The following EFNA5 variants were observed in gnomAD, a reference collection of about 807,000 sequenced individuals.
EFNA5 encodes the protein ephrin A5.
Under a neutral mutation model 22.9 loss-of-function variants are expected in EFNA5, and 5 were observed. That is an observed-to-expected ratio of 0.22 (90% CI 0.11 to 0.46). The LOEUF is 0.46. Among genes scored for constraint, EFNA5 ranks in the 20% least tolerant of loss-of-function variants. The pLI is 0.99. For synonymous variants in EFNA5, 113 were observed against 112.2 expected (o/e 1.01, Z -0.04); for missense variants, 237 against 293.3 (o/e 0.81, Z 1.40).
At chr5:107,405,027 A>G (rs1467308201) in intron 2 of EFNA5, among the ~76,000 whole-genome samples, 1 of 152,214 alleles carries the variant, frequency 6.6e-6, no homozygotes, top group Non-Finnish European at 1.5e-5. Context: ...GTAGGACTTT[A>G]TGATGTGCTC....
At chr5:107,610,652 A>G (rs981796212) in intron 1 of EFNA5, among the ~76,000 whole-genome samples, 5 of 152,138 alleles carry the variant, frequency 3.3e-5, no homozygotes, top group Non-Finnish European at 7.4e-5. Context: ...AACTACAATT[A>G]CCTTTTGATT....
At chr5:107,569,470 TA>T (rs1748734011) in intron 1 of EFNA5, among the ~76,000 whole-genome samples, 1 of 139,940 alleles carries the variant, frequency 7.1e-6, no homozygotes, top group Non-Finnish European at 1.5e-5. Context: ...TATATTTATA[TA>T]TATGTGTATA....
chr5:107,461,204 A>G (rs1294556208), intron 1 of EFNA5, among the ~76,000 whole-genome samples: 1 of 152,144 alleles, frequency 6.6e-6, no homozygotes, highest in Non-Finnish European at 1.5e-5. Flanking sequence ...CAAAAGAACA[A>G]AGATTAAGAT....
intron 2 of EFNA5, among the ~76,000 whole-genome samples, chr5:107,405,913 A>C (rs1471831631): frequency 1.4e-5 from 2 of 147,168 alleles, no homozygotes; most frequent in Admixed American, 6.8e-5. Context: ...TATACATAGA[A>C]TGTATACAAA....
chr5:107,556,314 A>T (rs1748413772), intron 1 of EFNA5, among the ~76,000 whole-genome samples: 1 of 152,340 alleles, frequency 6.6e-6, no homozygotes, highest in South Asian at 2.1e-4. Context: ...CTTAATCTGC[A>T]CAAGAGTCCT....
intron 2 of EFNA5, among the ~76,000 whole-genome samples, chr5:107,423,702 A>G (rs1459243609): frequency 6.6e-6 from 1 of 152,178 alleles, no homozygotes; most frequent in East Asian, 1.9e-4. Context: ...TCTCTTACCA[A>G]AATAACTCCT....
chr5:107,421,114 C>T (rs1408200886), intron 2 of EFNA5, among the ~76,000 whole-genome samples: 5 of 152,094 alleles, frequency 3.3e-5, no homozygotes, highest in African/African-American at 1.2e-4. Context: ...TAAGATAGCC[C>T]TTAGGAACTT....
intron 1 of EFNA5, among the ~76,000 whole-genome samples, chr5:107,588,101 A>G (rs779861442): frequency 6.6e-6 from 1 of 152,240 alleles, no homozygotes; most frequent in African/African-American, 2.4e-5. Context: ...GGCTGATGTA[A>G]TAACTCATAC....
At chr5:107,641,795 C>T (rs1002592665) in intron 1 of EFNA5, among the ~76,000 whole-genome samples, 1 of 152,120 alleles carries the variant, frequency 6.6e-6, no homozygotes, top group Admixed American at 6.5e-5. Context: ...CAAAAATTAG[C>T]CTTAATCTAA....
intron 2 of EFNA5, among the ~76,000 whole-genome samples, chr5:107,396,831 T>G (rs1580422763): frequency 6.6e-6 from 1 of 152,182 alleles, no homozygotes; most frequent in Non-Finnish European, 1.5e-5. Context: ...CTCTGAGCTC[T>G]TTTTTCAATC....
At chr5:107,496,153 C>T (rs1320062510) in intron 1 of EFNA5, among the ~76,000 whole-genome samples, 1 of 144,110 alleles carries the variant, frequency 6.9e-6, no homozygotes, top group African/African-American at 2.6e-5. Flanking sequence ...TGGTGAAACC[C>T]CTGTCTCTGC....
intron 1 of EFNA5, among the ~76,000 whole-genome samples, chr5:107,531,558 A>G (rs1309829095): frequency 6.6e-6 from 1 of 152,156 alleles, no homozygotes; most frequent in Non-Finnish European, 1.5e-5. Flanking sequence ...CCTAGAGAAC[A>G]GGAGGAGGAC....
At chr5:107,557,362 G>C (rs1748444228) in intron 1 of EFNA5, among the ~76,000 whole-genome samples, 1 of 149,644 alleles carries the variant, frequency 6.7e-6, no homozygotes, top group Non-Finnish European at 1.5e-5. Context: ...TGTTAAATGA[G>C]AAGGGGCGAG....
chr5:107,534,913 A>G (rs1332288835), intron 1 of EFNA5, among the ~76,000 whole-genome samples: 1 of 152,230 alleles, frequency 6.6e-6, no homozygotes, highest in Non-Finnish European at 1.5e-5. Flanking sequence ...CTTTCATGAA[A>G]AATAAATAAA....
intron 4 of EFNA5, among the ~76,000 whole-genome samples, chr5:107,385,782 C>T (rs1288692716): frequency 6.6e-6 from 1 of 152,134 alleles, no homozygotes; most frequent in Admixed American, 6.5e-5. Flanking sequence ...AAGCCAAAGT[C>T]ATGGCTCCAG....
intron 1 of EFNA5, among the ~76,000 whole-genome samples, chr5:107,536,141 C>T (rs1267440551): frequency 6.6e-6 from 1 of 152,208 alleles, no homozygotes; most frequent in African/African-American, 2.4e-5. Flanking sequence ...TCAGATGACA[C>T]CATACAATTA....
At chr5:107,501,311 A>G (rs1747128884) in intron 1 of EFNA5, among the ~76,000 whole-genome samples, 1 of 152,220 alleles carries the variant, frequency 6.6e-6, no homozygotes, top group South Asian at 2.1e-4. Context: ...CACAACATCA[A>G]CTATACAATC....
rs1373811085 is a variant in EFNA5 at position 107,633,570 on chromosome 5, CAG to C, written c.125+36917_125+36918del. 2.6e-5 allele frequency among the ~76,000 whole-genome samples: 4 copies of C among 152,300 alleles called. No homozygotes were observed. In the South Asian group the frequency reaches 8.3e-4, roughly 32 times the overall value. ...CACCATCAATTATGCACTAGAATAA[CAG>C]GGGCTGGCCAGGCAGTGTAACATAA... On this transcript the variant is annotated intron_variant, in intron 1 of 4. Coordinates refer to ENST00000333274, the MANE Select transcript of EFNA5 (RefSeq NM_001962.3).
chr5:107,568,671 C>A (rs1467608517), intron 1 of EFNA5, among the ~76,000 whole-genome samples: 1 of 152,148 alleles, frequency 6.6e-6, no homozygotes, highest in African/African-American at 2.4e-5. Flanking sequence ...AGAGAACATA[C>A]AAATAATTGT....
Sources: allele counts gnomAD v4.1 joint callset (sites outside exome capture counted in the v4.1 genomes callset), GRCh38; gene constraint gnomAD v4.1.1; transcripts MANE v1.5; gene names NCBI Gene and HGNC (gene_info 2026-07-23, HGNC 2026-07-21).